The following COL9A3 variants were observed in gnomAD, a reference collection of about 807,000 sequenced individuals.
COL9A3 encodes collagen type IX alpha 3 chain, also known as collagen alpha-3(IX) chain.
Under a neutral mutation model 110.2 loss-of-function variants are expected in COL9A3, and 82 were observed. That is an observed-to-expected ratio of 0.74 (90% confidence interval 0.62 to 0.89). COL9A3 has a LOEUF of 0.89. Ranked by LOEUF, COL9A3 falls within the 40% of genes least tolerant of loss-of-function variation. The pLI is 0.00. For synonymous variants in COL9A3, 494 were observed against 403.8 expected (o/e 1.22, Z -2.68); for missense variants, 1,066 against 981.3 (o/e 1.09, Z -1.15).
rs189262328 is a variant in COL9A3 at position 62,824,186 on chromosome 20, C to T, written c.520-259C>T. The stretch of plus-strand genomic sequence containing the variant: ...CTGTCACCCAGAGTGTCCCGACACC[C>T]GCGCGGAGTGGCCTCCCGGGGCCCC... On this transcript the variant is annotated intron_variant, in intron 10 of 31. Coordinates refer to ENST00000649368, the MANE Select transcript of COL9A3 (RefSeq NM_001853.4). 5.6e-4 allele frequency among the ~76,000 whole-genome samples: 70 copies of T among 125,918 alleles called. 3 individuals are homozygous for T. The highest frequency in any genetic ancestry group is 3.1e-3 in the Admixed American group (38 of 12,312). 82.6% of individuals were successfully genotyped at this position (125,918 alleles called of 152,430 possible).
chr20:62,832,009 G>C, intron 24 of COL9A3, 145 bp from the exon 25 acceptor site: 1 of 845,514 alleles, frequency 1.2e-6, no homozygotes. Flanking sequence ...CTTTGGGCCT[G>C]TGTCTGGGAG....
chr20:62,816,970 G>A (rs1220485249), upstream of COL9A3: 2 of 706,246 alleles, frequency 2.8e-6, no homozygotes, highest in Non-Finnish European at 3.8e-6. Flanking sequence ...GTGCAGGCGG[G>A]GGCGGGAAGG....
At chr20:62,837,616 G>C (rs2063647222) in intron 30 of COL9A3, among the ~76,000 whole-genome samples, 1 of 151,652 alleles carries the variant, frequency 6.6e-6, no homozygotes, top group Admixed American at 6.6e-5. Context: ...AGACCAGCCT[G>C]ACCAACATGG....
rs966916349 is a variant in COL9A3, at chr20:62,833,960, A to G, written c.1368+896A>G. Among the ~76,000 whole-genome samples, 6 of 151,190 alleles carry G rather than the reference A, an allele frequency of 4.0e-5. No individual in the cohort carries two copies. The East Asian group carries it at 5.9e-4, about 15-fold the overall frequency. ...AGTGACGCCATCTCGGCTCACTGCA[A>G]CCTTCCCAGTTCAAGCGATTCTCCT... On this transcript the variant is annotated intron_variant, in intron 26 of 31. Coordinates refer to ENST00000649368, the MANE Select transcript of COL9A3 (RefSeq NM_001853.4).
At chr20:62,840,235 A>C (rs1283958289) in intron 31 of COL9A3, among the ~76,000 whole-genome samples, 1 of 138,066 alleles carries the variant, frequency 7.2e-6, no homozygotes. Flanking sequence ...CCCCCTGCTC[A>C]CTCCAAATCC....
rs1239742197 is a variant in COL9A3 at position 62,830,533 on chromosome 20, T to C, written c.1232T>C (p.Met411Thr). ...VRGFQGQKGS[M>T]GDPGLPGPQG... ...CTTCCCCAGGGCCAGAAGGGCAGCA[T>C]GGGAGACCCCGGCCTTCCAGGCCCC... The change falls in exon 24 of 32, where the codon ATG becomes ACG. Residue 411 changes from methionine to threonine, a missense_variant. Met to Thr is a moderately conservative substitution (Grantham distance 81). Transcript: ENST00000649368. 1.2e-6 allele frequency: 2 copies of C among 1,608,794 alleles called. No homozygotes were observed. Among genetic ancestry groups the C allele is most frequent in the Non-Finnish European group, 1.7e-6 (2 of 1,178,570 alleles).
rs368703394 is a variant in COL9A3, at chr20:62,826,183, A to C, written c.685-21A>C. The C allele has an allele frequency of 3.9e-6, 6 of 1,555,134 alleles. No individual in the cohort carries two copies. The East Asian group carries it at 1.4e-4, about 37-fold the overall frequency. ...GTGGAGGTGCAGCCCCAGCCTCTGC[A>C]TCTGTGCCTCTCTCTCGCAGGGCCC... On this transcript the variant is annotated intron_variant, in intron 13 of 31. Coordinates refer to ENST00000649368, the MANE Select transcript of COL9A3 (RefSeq NM_001853.4).
At chr20:62,827,143 A>C (rs2063559617) in intron 15 of COL9A3, 98 bp from the exon 16 acceptor site, 1 of 1,194,602 alleles carries the variant, frequency 8.4e-7, no homozygotes, top group African/African-American at 1.5e-5. Flanking sequence ...CCACTCCTGG[A>C]GGGCTGTCCC....
At chr20:62,836,065 A>T in intron 27 of COL9A3, 112 bp downstream of exon 27, 4 of 1,605,484 alleles carry the variant, frequency 2.5e-6, no homozygotes, top group Non-Finnish European at 3.4e-6. Context: ...TCCGAGATGT[A>T]AAAAAGCTTG....
intron 4 of COL9A3, 60 bp from the exon 5 acceptor site, chr20:62,819,869 C>T: frequency 1.2e-6 from 2 of 1,600,052 alleles, no homozygotes; most frequent in Non-Finnish European, 1.7e-6. Flanking sequence ...CCATTTTTGC[C>T]TGGGGGGTGG....
intron 30 of COL9A3, 59 bp downstream of exon 30, chr20:62,837,324 G>C: frequency 6.4e-7 from 1 of 1,551,490 alleles, no homozygotes; most frequent in African/African-American, 1.4e-5. Context: ...AGACTGACTT[G>C]TTAGTAGGCG....
intron 15 of COL9A3, 78 bp from the exon 16 acceptor site, chr20:62,827,163 C>T: frequency 6.8e-7 from 1 of 1,473,454 alleles, no homozygotes; most frequent in Non-Finnish European, 9.5e-7. Context: ...CCCGCCCGGG[C>T]CTGGAGGGGC....
chr20:62,818,692 G>C (rs990843743), intron 3 of COL9A3, 139 bp downstream of exon 3: 1 of 873,580 alleles, frequency 1.1e-6, no homozygotes, highest in African/African-American at 1.6e-5. Flanking sequence ...AGGGCTTGGA[G>C]CAGGCCTGGA....
In COL9A3 at chr20:62,829,864, C is replaced by A. The variant is rs979561944; in HGVS notation, c.1161+45C>A. On this transcript the variant is annotated intron_variant, in intron 22 of 31. Coordinates refer to ENST00000649368, the MANE Select transcript of COL9A3 (RefSeq NM_001853.4). The stretch of plus-strand genomic sequence containing the variant: ...CCGGGGTCGGGGGTTAGCACTGAGC[C>A]ATTGGCACATGGCCCCAGTTTCTGA... The A allele has an allele frequency of 2.6e-6, 4 of 1,535,554 alleles. No individual in the cohort carries two copies. In the African/African-American group the frequency reaches 4.1e-5, roughly 16 times the overall value.
At chr20:62,836,012 C>T in intron 27 of COL9A3, 59 bp downstream of exon 27, 1 of 1,612,700 alleles carries the variant, frequency 6.2e-7, no homozygotes, top group Non-Finnish European at 8.5e-7. Context: ...GGCTTCCTGC[C>T]CACCTCTGGG....
At chr20:62,828,177 C>T (rs541272120) in intron 17 of COL9A3, among the ~76,000 whole-genome samples, 2 of 152,330 alleles carry the variant, frequency 1.3e-5, no homozygotes, top group East Asian at 3.9e-4. Context: ...GTAGGGGCCT[C>T]AGGCTGGGTT....
chr20:62,826,627 C>T (rs894639428), intron 14 of COL9A3, 140 bp from the exon 15 acceptor site: 1 of 862,010 alleles, frequency 1.2e-6, no homozygotes, highest in Non-Finnish European at 1.9e-6. Context: ...TTGGAGACTA[C>T]TAGGTGGCAT....
chr20:62,817,291 C>G, intron 1 of COL9A3, 149 bp downstream of exon 1: 1 of 559,724 alleles, frequency 1.8e-6, no homozygotes, highest in Non-Finnish European at 2.7e-6. Context: ...TCGGGATGAG[C>G]CCCGTCCGGC....
At chr20:62,838,988 G>A (rs1241237544) in intron 31 of COL9A3, among the ~76,000 whole-genome samples, 1 of 152,176 alleles carries the variant, frequency 6.6e-6, no homozygotes, top group Non-Finnish European at 1.5e-5. Context: ...ACTTTGGGAG[G>A]CTGAGGCAGA....
Sources: allele counts gnomAD v4.1 joint callset (sites outside exome capture counted in the v4.1 genomes callset), GRCh38; gene constraint gnomAD v4.1.1; transcripts MANE v1.5; gene names NCBI Gene and HGNC (gene_info 2026-07-23, HGNC 2026-07-21).